The following TENM2 variants were observed in gnomAD, a reference collection of about 807,000 sequenced individuals.
The protein encoded by TENM2 is teneurin transmembrane protein 2, also known as teneurin-2.
A neutral mutation model predicts 245.2 loss-of-function variants in TENM2; 52 were observed. The ratio of observed to expected loss-of-function variants is 0.21; its 90% CI spans 0.17 to 0.27. The LOEUF (loss-of-function observed/expected upper bound fraction) is 0.27. Ranked by LOEUF, TENM2 falls within the 10% of genes least tolerant of loss-of-function variation. The pLI, the probability that TENM2 is intolerant of heterozygous loss-of-function variation, is 1.00. For synonymous variants in TENM2, 1,363 were observed against 1,438.9 expected, an observed-to-expected ratio of 0.95 and a Z score of 1.19; for missense variants, 3,046 against 3,666.8, an observed-to-expected ratio of 0.83 and a Z score of 4.37.
chr5:167,730,817 A>G (rs1582862259), intron 2 of TENM2, among the ~76,000 whole-genome samples: 2 of 152,224 alleles, frequency 1.3e-5, no homozygotes, highest in Admixed American at 6.5e-5. Context: ...AGAGGCATTT[A>G]CCAAACTGGC....
At chr5:167,050,920 A>T in the TENM2 span, among the ~76,000 whole-genome samples, 1 of 152,054 alleles carries the variant, frequency 6.6e-6, no homozygotes, top group Admixed American at 6.6e-5. Context: ...TTCTGGCAAA[A>T]GTTTGTCAGC....
exon 10 of TENM2, chr5:168,118,388 T>C (rs756003364): frequency 1.2e-6 from 2 of 1,611,654 alleles, no homozygotes; most frequent in South Asian, 1.1e-5. Flanking sequence ...GACGTGCCCA[T>C]GAATCAGTGC....
At chr5:167,762,676 C>T (rs1384554200) in intron 2 of TENM2, among the ~76,000 whole-genome samples, 3 of 152,196 alleles carry the variant, frequency 2.0e-5, no homozygotes, top group Non-Finnish European at 4.4e-5. Flanking sequence ...ACAGATTTAC[C>T]ACCACAACTT....
chr5:167,522,647 G>A (rs922748392), intron 2 of TENM2, among the ~76,000 whole-genome samples: 1 of 151,898 alleles, frequency 6.6e-6, no homozygotes, highest in Non-Finnish European at 1.5e-5. Flanking sequence ...CTACTTAAAA[G>A]GCACATTTTT....
chr5:167,324,459 A>G (rs536973846), intron 1 of TENM2, among the ~76,000 whole-genome samples: 1 of 152,276 alleles, frequency 6.6e-6, no homozygotes, highest in African/African-American at 2.4e-5. Flanking sequence ...TTTAATCCAT[A>G]TAATTTGAGC....
At position 167,663,179 on chromosome 5, in the gene TENM2, AGAGAG is replaced by A. The variant is rs1561650131; in HGVS notation, c.503-212806_503-212802del. ...GAGAGAGAGAGAGAGAGAGAGAGAGAGAGAGAGAAAGAGAGAGAATGAATGCCTGG... is the reference window on the plus strand; with the variant it reads ...GAGAGAGAGAGAGAGAGAGAGAGAGAAGAAAGAGAGAGAATGAATGCCTGG... On this transcript the variant is annotated intron_variant, in intron 2 of 28. Transcript: ENST00000518659. Among the ~76,000 whole-genome samples the A allele has an allele frequency of 4.2e-3, 613 of 144,950 alleles. 7 individuals carry two copies. Among genetic ancestry groups the A allele is most frequent in the African/African-American group, 0.016 (575 of 36,606 alleles).
intron 2 of TENM2, among the ~76,000 whole-genome samples, chr5:167,470,987 G>A (rs72829377): frequency 0.29 from 43,900 of 152,052 alleles, 7,752 homozygotes; most frequent in Middle Eastern, 0.4. Flanking sequence ...TAACTGAGTG[G>A]TTTTAAATCA....
intron 24 of TENM2, 79 bp downstream of exon 26, chr5:168,226,342 T>G: frequency 7.1e-7 from 1 of 1,407,910 alleles, no homozygotes. Context: ...ATGTGAGTTA[T>G]GCAGCCTGGG....
chr5:167,630,749 A>G (rs1206985450), intron 2 of TENM2, among the ~76,000 whole-genome samples: 3 of 152,206 alleles, frequency 2.0e-5, no homozygotes, highest in Non-Finnish European at 4.4e-5. Context: ...GTAATCTAGG[A>G]ATATAACATC....
chr5:167,980,155 G>T (rs144351258), intron 4 of TENM2, among the ~76,000 whole-genome samples: 58 of 152,270 alleles, frequency 3.8e-4, no homozygotes, highest in African/African-American at 1.3e-3. Flanking sequence ...CATGCCATTG[G>T]GAAAGGCATG....
At chr5:167,975,106 A>C (rs2617985) in intron 4 of TENM2, among the ~76,000 whole-genome samples, 5,373 of 152,234 alleles carry the variant, frequency 0.035, 305 homozygotes, top group African/African-American at 0.12. Flanking sequence ...TTAGTCTAAC[A>C]TGCCACCTCC....
the TENM2 span, among the ~76,000 whole-genome samples, chr5:167,069,674 A>G: frequency 1.3e-5 from 2 of 152,320 alleles, no homozygotes; most frequent in South Asian, 4.1e-4. Flanking sequence ...AGAGATGTCT[A>G]GAAGGATGCT....
intron 2 of TENM2, among the ~76,000 whole-genome samples, chr5:167,728,504 G>GGAGGCT (rs11281956): frequency 0.47 from 71,783 of 151,350 alleles, 18,877 homozygotes; most frequent in East Asian, 0.82. Flanking sequence ...CAACTACTCA[G>GGAGGCT]GAGGCAGGAG....
At chr5:167,202,192 A>C in the TENM2 span, among the ~76,000 whole-genome samples, 1 of 152,138 alleles carries the variant, frequency 6.6e-6, no homozygotes, top group African/African-American at 2.4e-5. Context: ...TCCTCTCTCT[A>C]TGCAGCACTT....
intron 3 of TENM2, among the ~76,000 whole-genome samples, chr5:167,941,268 T>A (rs1779154575): frequency 6.6e-6 from 1 of 152,216 alleles, no homozygotes; most frequent in African/African-American, 2.4e-5. Flanking sequence ...TTACCAGGAC[T>A]ACCAGAACTC....
the TENM2 span, among the ~76,000 whole-genome samples, chr5:167,136,190 C>A: frequency 6.6e-6 from 1 of 152,188 alleles, no homozygotes; most frequent in Non-Finnish European, 1.5e-5. Context: ...TGCATACCAA[C>A]CCAGCTGGAT....
the TENM2 span, among the ~76,000 whole-genome samples, chr5:167,218,213 G>T: frequency 2.6e-5 from 4 of 152,146 alleles, no homozygotes; most frequent in Admixed American, 2.0e-4. Flanking sequence ...AGGAGGTTAT[G>T]CTGCACTGCT....
intron 2 of TENM2, among the ~76,000 whole-genome samples, chr5:167,470,453 G>GTTTTTTTTTT (rs1766938434): frequency 1.8e-4 from 2 of 10,818 alleles, no homozygotes; most frequent in South Asian, 2.2e-3. Flanking sequence ...GGCAATGCTT[G>GTTTTTTTTTT]CTTTTTTTTT....
intron 10 of TENM2, among the ~76,000 whole-genome samples, chr5:168,123,536 G>A (rs4976572): frequency 0.3 from 45,952 of 152,036 alleles, 7,407 homozygotes; most frequent in East Asian, 0.63. Context: ...AAGACGGTAC[G>A]CATACACAGG....
Sources: gnomAD v4.1 joint callset for allele counts (sites outside exome capture counted in the v4.1 genomes callset) on GRCh38, gnomAD v4.1.1 for gene constraint, MANE v1.5 for transcripts, NCBI Gene and HGNC (gene_info 2026-07-23, HGNC 2026-07-21) for gene names.